MAML3: variants seen among roughly 807,000 people sequenced by gnomAD.
MAML3 encodes the protein mastermind-like protein 3.
MAML3 carries 27 observed loss-of-function variants against 101.9 expected under a neutral mutation model. That is an observed-to-expected ratio of 0.27 (90% confidence interval 0.20 to 0.37). The LOEUF (loss-of-function observed/expected upper bound fraction) is 0.37. MAML3 is among the 10% of genes least tolerant of loss of function. MAML3 has a pLI of 1.00. For synonymous variants in MAML3, 501 were observed against 555.9 expected, an observed-to-expected ratio of 0.90 and a Z score of 1.39; for missense variants, 1,316 against 1,444.9, an observed-to-expected ratio of 0.91 and a Z score of 1.45.
chr4:139,953,396 C>T (rs945539234), intron 1 of MAML3, among the ~76,000 whole-genome samples: 1 of 152,096 alleles, frequency 6.6e-6, no homozygotes, highest in East Asian at 1.9e-4. Flanking sequence ...GAGGCTGAGG[C>T]GGGTGGATCA....
intron 2 of MAML3, among the ~76,000 whole-genome samples, chr4:139,887,149 T>C (rs1267209948): frequency 6.6e-6 from 1 of 152,244 alleles, no homozygotes; most frequent in Non-Finnish European, 1.5e-5. Context: ...TATAATGTAA[T>C]GAACTATTCT....
At chr4:140,030,333 AC>A (rs1246818636) in intron 1 of MAML3, among the ~76,000 whole-genome samples, 1 of 152,248 alleles carries the variant, frequency 6.6e-6, no homozygotes, top group Non-Finnish European at 1.5e-5. Context: ...AAGGCACTGG[AC>A]AACACACACT....
chr4:139,730,882 T>A (rs930893999), intron 2 of MAML3: 1 of 590,230 alleles, frequency 1.7e-6, no homozygotes, highest in Admixed American at 3.0e-5. Flanking sequence ...TAAGAGAGCA[T>A]GGCTCTGGGA....
chr4:139,943,864 CTTTTTTTTTT>C (rs10644498), intron 1 of MAML3, among the ~76,000 whole-genome samples: 4 of 65,824 alleles, frequency 6.1e-5, no homozygotes, highest in South Asian at 5.4e-4. Flanking sequence ...CTAAAGACAA[CTTTTTTTTTT>C]TTTTTTTTTT....
chr4:140,122,675 C>T (rs1728625451), intron 1 of MAML3, among the ~76,000 whole-genome samples: 1 of 150,918 alleles, frequency 6.6e-6, no homozygotes, highest in East Asian at 2.0e-4. Context: ...GCCTGTAGTC[C>T]CAGCTACTTG....
At chr4:139,733,240 T>C (rs1728795316) in intron 2 of MAML3, among the ~76,000 whole-genome samples, 1 of 152,242 alleles carries the variant, frequency 6.6e-6, no homozygotes, top group African/African-American at 2.4e-5. Flanking sequence ...TATTTGATAC[T>C]TTCCAGTTTT....
chr4:139,938,518 A>C (rs1299350924), intron 1 of MAML3, among the ~76,000 whole-genome samples: 1 of 152,188 alleles, frequency 6.6e-6, no homozygotes, highest in African/African-American at 2.4e-5. Context: ...TACCCATACG[A>C]TGTCAGCACA....
intron 2 of MAML3, among the ~76,000 whole-genome samples, chr4:139,881,934 C>G (rs958789685): frequency 3.8e-4 from 58 of 152,092 alleles, no homozygotes; most frequent in Non-Finnish European, 7.5e-4. Context: ...TCAAGTGATC[C>G]GCCCGCCTCA....
chr4:139,833,276 G>A (rs1731201177), intron 2 of MAML3, among the ~76,000 whole-genome samples: 1 of 152,316 alleles, frequency 6.6e-6, no homozygotes, highest in South Asian at 2.1e-4. Flanking sequence ...AGGGGGCCGC[G>A]TGGAAGCGCC....
intron 1 of MAML3, among the ~76,000 whole-genome samples, chr4:140,069,610 G>A (rs1258635745): frequency 2.8e-5 from 4 of 143,652 alleles, no homozygotes; most frequent in Non-Finnish European, 6.1e-5. Context: ...GGAAGAAGAA[G>A]AAGAAGAAAA....
intron 1 of MAML3, among the ~76,000 whole-genome samples, chr4:139,941,028 A>G (rs779855850): frequency 6.6e-5 from 10 of 152,246 alleles, no homozygotes; most frequent in Non-Finnish European, 4.4e-5. Context: ...TCAATTTACA[A>G]TCATAAATTA....
chr4:139,926,231 T>C (rs1733256503), intron 1 of MAML3, among the ~76,000 whole-genome samples: 1 of 152,194 alleles, frequency 6.6e-6, no homozygotes, highest in Admixed American at 6.5e-5. Context: ...AAGTCATGTA[T>C]AGAAAGAATA....
chr4:140,069,384 A>AAGGAGGAGG lies in MAML3; in HGVS notation c.468+83467_468+83475dup, dbSNP rs756106379. ...GGAGAAGAAGAAGAAGAAGAAGAAGAAGGAGGAGGAGGAGGAGGAGGAGGA... is the reference window on the plus strand; with the variant it reads ...GGAGAAGAAGAAGAAGAAGAAGAAGAAGGAGGAGGAGGAGGAGGAGGAGGAGGAGGAGGA... On this transcript the variant is annotated intron_variant, in intron 1 of 4. Coordinates refer to ENST00000509479, the MANE Select transcript of MAML3 (RefSeq NM_018717.5). Among the ~76,000 whole-genome samples the AAGGAGGAGG allele has an allele frequency of 7.9e-4, 48 of 60,450 alleles. 1 individual carries two copies. The highest frequency in any genetic ancestry group is 2.8e-3 in the African/African-American group (45 of 16,326). 39.7% of individuals were successfully genotyped at this position (60,450 alleles called of 152,430 possible).
intron 1 of MAML3, among the ~76,000 whole-genome samples, chr4:139,968,992 A>C (rs1198740815): frequency 1.3e-5 from 2 of 151,962 alleles, no homozygotes; most frequent in Non-Finnish European, 2.9e-5. Context: ...AAACACAAGC[A>C]GAGCAAGAGA....
At chr4:139,729,050 C>T (rs2110982936) in intron 3 of MAML3, among the ~76,000 whole-genome samples, 1 of 150,744 alleles carries the variant, frequency 6.6e-6, no homozygotes, top group South Asian at 2.1e-4. Flanking sequence ...TGTCGCACAC[C>T]TTATGTAGGT....
intron 1 of MAML3, among the ~76,000 whole-genome samples, chr4:140,032,951 T>G (rs1726931487): frequency 6.6e-6 from 1 of 151,650 alleles, no homozygotes; most frequent in East Asian, 1.9e-4. Flanking sequence ...CGGGCTCTTG[T>G]GCACTGGGTG....
chr4:140,116,003 C>A (rs1728510615), intron 1 of MAML3, among the ~76,000 whole-genome samples: 1 of 152,032 alleles, frequency 6.6e-6, no homozygotes, highest in Non-Finnish European at 1.5e-5. Context: ...ATATAGAGTA[C>A]ATATATTTGC....
intron 2 of MAML3, among the ~76,000 whole-genome samples, chr4:139,843,926 C>G (rs1452941832): frequency 6.6e-6 from 1 of 152,186 alleles, no homozygotes; most frequent in African/African-American, 2.4e-5. Context: ...GCCCACAGGG[C>G]CCCTGGGAGG....
intron 1 of MAML3, among the ~76,000 whole-genome samples, chr4:140,151,201 A>T (rs1729158931): frequency 6.6e-6 from 1 of 151,370 alleles, no homozygotes. Context: ...GAGGAGGAGG[A>T]AGGGAGGAGG....
Sources: gnomAD v4.1 joint callset for allele counts (sites outside exome capture counted in the v4.1 genomes callset) on GRCh38, gnomAD v4.1.1 for gene constraint, MANE v1.5 for transcripts, NCBI Gene and HGNC (gene_info 2026-07-23, HGNC 2026-07-21) for gene names.